Variants in CSMD1 observed in about 807,000 individuals in gnomAD.
CSMD1 encodes CUB and sushi domain-containing protein 1.
In CSMD1, 213 loss-of-function variants were observed where a neutral mutation model predicts 417.5. The ratio of observed to expected loss-of-function variants is 0.51; its 90% CI spans 0.46 to 0.57. The LOEUF (loss-of-function observed/expected upper bound fraction) is 0.57. Ranked by LOEUF, CSMD1 falls within the 20% of genes least tolerant of loss-of-function variation. The pLI, the probability that CSMD1 is intolerant of heterozygous loss-of-function variation, is 0.00. For missense variants in CSMD1, 6,923 were observed against 4,529.7 expected, an observed-to-expected ratio of 1.53 and a Z score of -15.17; for synonymous variants, 2,862 against 1,736.8, an observed-to-expected ratio of 1.65 and a Z score of -16.11.
chr8:4,416,591 T>C (rs1311934454), intron 3 of CSMD1, among the ~76,000 whole-genome samples: 6 of 152,116 alleles, frequency 3.9e-5, no homozygotes, highest in African/African-American at 1.4e-4. Flanking sequence ...AGGGCAACTA[T>C]TATAAAATAG....
chr8:3,218,310 G>A (rs367784694), intron 29 of CSMD1, among the ~76,000 whole-genome samples: 1 of 151,456 alleles, frequency 6.6e-6, no homozygotes, highest in Admixed American at 6.6e-5. Context: ...GCCTGTAATC[G>A]CAGCACTTTG....
intron 3 of CSMD1, among the ~76,000 whole-genome samples, chr8:4,411,977 A>G (rs1012468464): frequency 7.2e-6 from 1 of 138,630 alleles, no homozygotes; most frequent in Non-Finnish European, 1.6e-5. Flanking sequence ...AGTACACAGC[A>G]ACATAGCTAA....
chr8:4,111,725 C>T (rs1801866498), intron 3 of CSMD1, among the ~76,000 whole-genome samples: 1 of 152,108 alleles, frequency 6.6e-6, no homozygotes, highest in African/African-American at 2.4e-5. Context: ...ACAGTAGGAA[C>T]ACATGGAAAC....
At chr8:3,304,054 A>G (rs1804621323) in intron 25 of CSMD1, among the ~76,000 whole-genome samples, 1 of 152,184 alleles carries the variant, frequency 6.6e-6, no homozygotes, top group Non-Finnish European at 1.5e-5. Context: ...TAGCTCTGCA[A>G]TAATTGGCCT....
intron 1 of CSMD1, among the ~76,000 whole-genome samples, chr8:4,762,192 A>C (rs1292511028): frequency 6.6e-6 from 1 of 152,158 alleles, no homozygotes; most frequent in Non-Finnish European, 1.5e-5. Context: ...TCGTATATTT[A>C]TAATTGTTGT....
At chr8:3,611,394 T>C (rs1433175413) in intron 8 of CSMD1, among the ~76,000 whole-genome samples, 1 of 152,130 alleles carries the variant, frequency 6.6e-6, no homozygotes, top group African/African-American at 2.4e-5. Flanking sequence ...TTGTTTGAGT[T>C]TTGAGTTGAG....
At chr8:3,720,974 C>A (rs747097887) in intron 6 of CSMD1, among the ~76,000 whole-genome samples, 3 of 150,938 alleles carry the variant, frequency 2.0e-5, no homozygotes, top group Non-Finnish European at 4.4e-5. Flanking sequence ...CACCACTACA[C>A]CCGGCTAATT....
chr8:4,007,570 G>A (rs142863871), intron 4 of CSMD1, among the ~76,000 whole-genome samples: 3 of 152,234 alleles, frequency 2.0e-5, no homozygotes, highest in East Asian at 1.9e-4. Flanking sequence ...CTTACCTCTC[G>A]GTGCGTGCTG....
intron 3 of CSMD1, among the ~76,000 whole-genome samples, chr8:4,296,105 G>C (rs1585179469): frequency 1.3e-5 from 2 of 152,118 alleles, no homozygotes; most frequent in African/African-American, 2.4e-5. Flanking sequence ...TTTGCAAGGA[G>C]AGAAATCTTA....
At chr8:3,979,741 T>C (rs897107018) in intron 5 of CSMD1, among the ~76,000 whole-genome samples, 3 of 152,202 alleles carry the variant, frequency 2.0e-5, no homozygotes, top group Non-Finnish European at 4.4e-5. Flanking sequence ...CCTAAACTTC[T>C]AGCCTCAGAA....
intron 5 of CSMD1, among the ~76,000 whole-genome samples, chr8:3,902,124 G>A (rs1807797122): frequency 6.6e-6 from 1 of 152,054 alleles, no homozygotes; most frequent in African/African-American, 2.4e-5. Flanking sequence ...GCCTTAATAT[G>A]ACAGAAGTAA....
At chr8:3,520,545 C>T (rs979542842) in intron 10 of CSMD1, among the ~76,000 whole-genome samples, 1 of 152,130 alleles carries the variant, frequency 6.6e-6, no homozygotes, top group Non-Finnish European at 1.5e-5. Flanking sequence ...GTTGTCAAAT[C>T]CCATCATTTC....
At chr8:3,861,559 T>A (rs551420191) in intron 5 of CSMD1, among the ~76,000 whole-genome samples, 3 of 152,170 alleles carry the variant, frequency 2.0e-5, no homozygotes, top group Non-Finnish European at 4.4e-5. Context: ...CACGTGAGCA[T>A]TACTTGGGAA....
At chr8:4,664,483 C>G (rs1804793810) in intron 1 of CSMD1, among the ~76,000 whole-genome samples, 1 of 152,138 alleles carries the variant, frequency 6.6e-6, no homozygotes, top group African/African-American at 2.4e-5. Flanking sequence ...CTGCTTTACC[C>G]TGGGGAGTTC....
At chr8:3,790,910 G>A (rs973763322) in intron 5 of CSMD1, among the ~76,000 whole-genome samples, 3 of 152,138 alleles carry the variant, frequency 2.0e-5, no homozygotes, top group South Asian at 2.1e-4. Flanking sequence ...TGTCAAAACT[G>A]TCAGGTCCTA....
At chr8:4,288,745 G>A (rs1056674293) in intron 3 of CSMD1, among the ~76,000 whole-genome samples, 1 of 152,094 alleles carries the variant, frequency 6.6e-6, no homozygotes, top group Non-Finnish European at 1.5e-5. Flanking sequence ...TCTCTCAGAT[G>A]GTCAACCTCC....
intron 42 of CSMD1, among the ~76,000 whole-genome samples, chr8:3,115,890 G>C (rs1047057892): frequency 6.6e-6 from 1 of 152,122 alleles, no homozygotes; most frequent in Admixed American, 6.5e-5. Flanking sequence ...TACAGGGCTG[G>C]ACCTTTGAAG....
rs957711213 is a variant in CSMD1 at position 4,850,085 on chromosome 8, G to A, written c.85+144247C>T. On this transcript the variant is annotated intron_variant, in intron 1 of 69. Coordinates refer to ENST00000635120, the MANE Select transcript of CSMD1 (RefSeq NM_033225.6). ...TTCTTGCCATCCTGGTGGGTGTGAA[G>A]TAGGATCTCATGGTGGTTTTGGATT... Among the ~76,000 whole-genome samples the A allele has an allele frequency of 7.9e-5, 12 of 152,310 alleles. No homozygotes were observed. In the South Asian group the frequency reaches 2.1e-3, roughly 26 times the overall value.
chr8:3,556,998 T>G (rs1284381663), intron 10 of CSMD1, among the ~76,000 whole-genome samples: 6 of 152,176 alleles, frequency 3.9e-5, no homozygotes, highest in Non-Finnish European at 8.8e-5. Flanking sequence ...TCCTTTGCAG[T>G]ATCCTCTTTG....
Sources: allele counts gnomAD v4.1 joint callset (sites outside exome capture counted in the v4.1 genomes callset), GRCh38; gene constraint gnomAD v4.1.1; transcripts MANE v1.5; gene names NCBI Gene and HGNC (gene_info 2026-07-23, HGNC 2026-07-21).